STK32B: variants seen among roughly 807,000 people sequenced by gnomAD.
STK32B encodes the protein serine/threonine-protein kinase 32B.
Under a neutral mutation model 52.6 loss-of-function variants are expected in STK32B, and 43 were observed. That is an observed-to-expected ratio of 0.82 (90% CI 0.64 to 1.05). The LOEUF (loss-of-function observed/expected upper bound fraction) is 1.05, where lower values mean the gene tolerates loss of function less well. Among genes scored for constraint, STK32B ranks in the 50% least tolerant of loss-of-function variants. The pLI, the probability that STK32B is intolerant of heterozygous loss-of-function variation, is 0.00. For synonymous variants in STK32B, 238 were observed against 204.3 expected (o/e 1.17, Z -1.41); for missense variants, 621 against 534.6 (o/e 1.16, Z -1.59).
At chr4:5,195,185 C>T (rs991286921) in intron 3 of STK32B, among the ~76,000 whole-genome samples, 15 of 152,134 alleles carry the variant, frequency 9.9e-5, no homozygotes, top group African/African-American at 2.9e-4. Flanking sequence ...AGCAGTCCTC[C>T]GGCCTCAGAC....
At chr4:5,258,438 T>G (rs1251863113) in intron 3 of STK32B, among the ~76,000 whole-genome samples, 9 of 152,190 alleles carry the variant, frequency 5.9e-5, no homozygotes, top group Non-Finnish European at 1.3e-4. Context: ...TTCATTTCAT[T>G]AGGCTCCACA....
intron 4 of STK32B, among the ~76,000 whole-genome samples, chr4:5,337,006 A>C (rs1732748200): frequency 6.6e-6 from 1 of 152,072 alleles, no homozygotes; most frequent in Non-Finnish European, 1.5e-5. Context: ...CTTGAGACAG[A>C]GTTTTGCTGT....
chr4:5,120,604 A>G (rs1023874512), intron 1 of STK32B, among the ~76,000 whole-genome samples: 4 of 152,208 alleles, frequency 2.6e-5, no homozygotes, highest in African/African-American at 9.6e-5. Flanking sequence ...CTTGGAATGT[A>G]TCTCCCTTGG....
intron 3 of STK32B, among the ~76,000 whole-genome samples, chr4:5,173,633 C>A (rs1335805639): frequency 6.6e-6 from 1 of 152,118 alleles, no homozygotes; most frequent in African/African-American, 2.4e-5. Context: ...TTTCTTAATC[C>A]TGAGTTCTAG....
intron 3 of STK32B, among the ~76,000 whole-genome samples, chr4:5,172,238 A>G (rs950422105): frequency 2.6e-5 from 4 of 152,140 alleles, no homozygotes; most frequent in African/African-American, 7.2e-5. Flanking sequence ...TAGATATACA[A>G]TCATGTCGTC....
intron 4 of STK32B, among the ~76,000 whole-genome samples, chr4:5,397,729 A>G (rs1430504798): frequency 5.3e-5 from 8 of 152,246 alleles, no homozygotes; most frequent in Non-Finnish European, 8.8e-5. Flanking sequence ...CAGGCCATAC[A>G]AAAACTGGCC....
In STK32B at chr4:5,421,458, C is replaced by G. The variant is rs968631563; in HGVS notation, c.562+4524C>G. 2.6e-5 allele frequency among the ~76,000 whole-genome samples: 4 copies of G among 152,136 alleles called. No individual in the cohort carries two copies. In the South Asian group the frequency reaches 6.2e-4, roughly 24 times the overall value. The stretch of plus-strand genomic sequence containing the variant: ...CAGGCTGGTCTTGAACTCCTGACAT[C>G]AGGTGATCCATCTGCCTCAGCCTCC... On this transcript the variant is annotated intron_variant, in intron 6 of 11. Coordinates refer to ENST00000282908, the MANE Select transcript of STK32B (RefSeq NM_018401.3).
At chr4:5,240,585 A>G (rs2108816665) in intron 3 of STK32B, among the ~76,000 whole-genome samples, 1 of 152,122 alleles carries the variant, frequency 6.6e-6, no homozygotes, top group South Asian at 2.1e-4. Context: ...TCAGCCTCCC[A>G]AAGAGCTGAG....
chr4:5,127,800 C>G (rs1043947472), intron 1 of STK32B, among the ~76,000 whole-genome samples: 1 of 152,134 alleles, frequency 6.6e-6, no homozygotes, highest in Admixed American at 6.5e-5. Context: ...CCCATACTTC[C>G]CACGTGTCGT....
chr4:5,331,120 T>A (rs1732214720), intron 3 of STK32B, 100 bp from the exon 4 acceptor site: 3 of 1,214,464 alleles, frequency 2.5e-6, no homozygotes, highest in Admixed American at 2.5e-5. Context: ...AGTGCCTCTC[T>A]CTGAGCCTCA....
At chr4:5,239,426 G>A (rs1236940861) in intron 3 of STK32B, among the ~76,000 whole-genome samples, 1 of 152,070 alleles carries the variant, frequency 6.6e-6, no homozygotes, top group Non-Finnish European at 1.5e-5. Context: ...GCAGACCCCT[G>A]CTTGTGGCCT....
intron 6 of STK32B, 108 bp downstream of exon 6, chr4:5,417,042 G>A (rs1712225564): frequency 4.1e-6 from 4 of 984,164 alleles, no homozygotes; most frequent in Non-Finnish European, 6.0e-6. Flanking sequence ...ACCCTCCCAT[G>A]CTCACATGAG....
intron 3 of STK32B, among the ~76,000 whole-genome samples, chr4:5,191,648 A>G (rs1440449066): frequency 6.6e-6 from 1 of 152,136 alleles, no homozygotes; most frequent in African/African-American, 2.4e-5. Context: ...CTGGTAGCCT[A>G]GATAGTCTCT....
intron 3 of STK32B, among the ~76,000 whole-genome samples, chr4:5,311,916 T>TATATATATATATATATATATATA (rs201864559): frequency 7.7e-6 from 1 of 130,364 alleles, no homozygotes; most frequent in African/African-American, 3.6e-5. Flanking sequence ...ATATATATAT[T>TATATATATATATATATATATATA]TTTTTTTAAA....
At chr4:5,298,853 T>G (rs574363894) in intron 3 of STK32B, among the ~76,000 whole-genome samples, 3 of 147,386 alleles carry the variant, frequency 2.0e-5, no homozygotes, top group Non-Finnish European at 4.5e-5. Context: ...AAAAAAAAAC[T>G]CCTGCAGCTA....
At chr4:5,323,152 C>T (rs1167883561) in intron 3 of STK32B, among the ~76,000 whole-genome samples, 1 of 152,146 alleles carries the variant, frequency 6.6e-6, no homozygotes, top group African/African-American at 2.4e-5. Context: ...AGGAGTCTGA[C>T]AGGTGGAGGT....
At chr4:5,278,124 G>T (rs540523453) in intron 3 of STK32B, among the ~76,000 whole-genome samples, 26 of 152,338 alleles carry the variant, frequency 1.7e-4, no homozygotes, top group African/African-American at 5.8e-4. Context: ...AGAAGATGAC[G>T]TGGGAGGTTT....
At chr4:5,211,745 A>G (rs1722917829) in intron 3 of STK32B, among the ~76,000 whole-genome samples, 1 of 152,192 alleles carries the variant, frequency 6.6e-6, no homozygotes, top group Admixed American at 6.5e-5. Flanking sequence ...ACAAGCAAAC[A>G]AACAATCTTG....
intron 3 of STK32B, among the ~76,000 whole-genome samples, chr4:5,176,724 A>G (rs965703996): frequency 5.3e-5 from 8 of 152,092 alleles, no homozygotes; most frequent in Admixed American, 2.6e-4. Context: ...GATTACAAGC[A>G]TGAGTCACTG....
Sources: allele counts gnomAD v4.1 joint callset (sites outside exome capture counted in the v4.1 genomes callset), GRCh38; gene constraint gnomAD v4.1.1; transcripts MANE v1.5; gene names NCBI Gene and HGNC (gene_info 2026-07-23, HGNC 2026-07-21).